Variants in LDLRAD4 observed in about 807,000 individuals in gnomAD.
LDLRAD4 encodes the protein low-density lipoprotein receptor class A domain-containing protein 4.
LDLRAD4 carries 5 observed loss-of-function variants against 17.0 expected under a neutral mutation model. The ratio of observed to expected loss-of-function variants is 0.29; its 90% CI spans 0.15 to 0.62. LDLRAD4 has a LOEUF of 0.62. Ranked by LOEUF, LDLRAD4 falls within the 20% of genes least tolerant of loss-of-function variation. LDLRAD4 has a pLI of 0.84. For synonymous variants in LDLRAD4, 168 were observed against 171.8 expected (o/e 0.98, Z 0.17); for missense variants, 340 against 424.7 (o/e 0.80, Z 1.75).
intron 2 of LDLRAD4, among the ~76,000 whole-genome samples, chr18:13,417,535 C>G (rs2089021451): frequency 6.6e-6 from 1 of 151,880 alleles, no homozygotes; most frequent in Non-Finnish European, 1.5e-5. Context: ...CGGGTTCACG[C>G]CATTCTCCTG....
intron 3 of LDLRAD4, among the ~76,000 whole-genome samples, chr18:13,558,936 G>A (rs2094512877): frequency 2.7e-5 from 4 of 147,486 alleles, no homozygotes; most frequent in Non-Finnish European, 1.5e-5. Context: ...TGTGCACTAG[G>A]GCAATCACAG....
chr18:13,317,834 G>A (rs970859531), intron 1 of LDLRAD4, among the ~76,000 whole-genome samples: 2 of 152,048 alleles, frequency 1.3e-5, no homozygotes, highest in African/African-American at 4.8e-5. Context: ...TTCTATTTTT[G>A]TATTTTCTCC....
intron 4 of LDLRAD4, among the ~76,000 whole-genome samples, chr18:13,633,541 G>T (rs929446695): frequency 2.0e-5 from 3 of 152,254 alleles, no homozygotes; most frequent in African/African-American, 7.2e-5. Flanking sequence ...ATGCTCGTCA[G>T]CACCCAAAGT....
chr18:13,508,037 A>G (rs2093721880), intron 3 of LDLRAD4, among the ~76,000 whole-genome samples: 1 of 149,404 alleles, frequency 6.7e-6, no homozygotes, highest in Non-Finnish European at 1.5e-5. Flanking sequence ...TCCAGTGAAC[A>G]CACAAATGAT....
intron 1 of LDLRAD4, among the ~76,000 whole-genome samples, chr18:13,307,089 TG>T (rs1376094142): frequency 6.6e-6 from 1 of 152,192 alleles, no homozygotes; most frequent in African/African-American, 2.4e-5. Flanking sequence ...GTCTATGAAG[TG>T]GGCACTGAAA....
At position 13,352,674 on chromosome 18, in the gene LDLRAD4, C is replaced by T. The variant is rs566743220; in HGVS notation, c.-382-34667C>T. On this transcript the variant is annotated intron_variant, in intron 1 of 5. Transcript: ENST00000359446. The stretch of plus-strand genomic sequence containing the variant: ...CTATTATTCCTTCAAATAATATCTT[C>T]CTCTTTCTCTCTTCTCCTTCTGGAA... Among the ~76,000 whole-genome samples the T allele has an allele frequency of 7.3e-5, 11 of 151,460 alleles. No individual in the cohort carries two copies. The East Asian group carries it at 1.9e-3, about 27-fold the overall frequency.
intron 3 of LDLRAD4, chr18:13,460,904 G>A (rs562734325): frequency 6.6e-6 from 1 of 152,172 alleles, no homozygotes; most frequent in Non-Finnish European, 1.5e-5. Context: ...AGCCCACTGG[G>A]GTGTAGTAGG....
chr18:13,501,322 G>C (rs1332479309), intron 3 of LDLRAD4: 1 of 152,178 alleles, frequency 6.6e-6, no homozygotes, highest in Non-Finnish European at 1.5e-5. Flanking sequence ...ATATTTACCC[G>C]ATGTGTCCTG....
intron 1 of LDLRAD4, among the ~76,000 whole-genome samples, chr18:13,381,348 G>A (rs564158153): frequency 5.9e-5 from 9 of 152,310 alleles, no homozygotes; most frequent in South Asian, 4.1e-4. Flanking sequence ...GGTTACAGGC[G>A]TGAGGCACCG....
chr18:13,344,228 A>T (rs1440745765), intron 1 of LDLRAD4, among the ~76,000 whole-genome samples: 1 of 152,186 alleles, frequency 6.6e-6, no homozygotes, highest in African/African-American at 2.4e-5. Flanking sequence ...CTAACATTTA[A>T]GTGTTTATTC....
chr18:13,375,607 T>C (rs2084847706), intron 1 of LDLRAD4, among the ~76,000 whole-genome samples: 1 of 152,292 alleles, frequency 6.6e-6, no homozygotes, highest in South Asian at 2.1e-4. Flanking sequence ...GCTGACCTAT[T>C]TAAGTATTTG....
rs147533717 is a variant in LDLRAD4, at chr18:13,227,778, G to A, written c.-467+8790G>A. Among the ~76,000 whole-genome samples, 543 of 152,276 alleles carry A rather than the reference G, an allele frequency of 3.6e-3. 7 individuals are homozygous for A. Among genetic ancestry groups the A allele is most frequent in the African/African-American group, 0.011 (464 of 41,542 alleles). On this transcript the variant is annotated intron_variant, in intron 1 of 5. Coordinates refer to the LDLRAD4 transcript ENST00000399848. ...GCCCTTTATAAAACCATCAGATCTC[G>A]TGAGAACTCACTATCATGAGAACAG...
intron 4 of LDLRAD4, among the ~76,000 whole-genome samples, chr18:13,632,017 C>A (rs540780503): frequency 6.6e-6 from 1 of 152,266 alleles, no homozygotes; most frequent in African/African-American, 2.4e-5. Context: ...TCCCAGAAGG[C>A]AAGGATGGTT....
Position 13,545,329 on chromosome 18 carries a change from C to T in LDLRAD4, c.182-75788C>T, listed in dbSNP as rs948705926. On this transcript the variant is annotated intron_variant, in intron 3 of 5. Coordinates refer to ENST00000359446, the Ensembl canonical transcript of LDLRAD4. ...AACTCTAGGGAAGCAAAGGGGACTC[C>T]TCGGGGACTCTGATCTTTATGTCCA... Among the ~76,000 whole-genome samples, 11 of 152,298 alleles carry T rather than the reference C, an allele frequency of 7.2e-5. No individual in the cohort carries two copies. In the East Asian group the frequency reaches 2.1e-3, roughly 29 times the overall value.
At chr18:13,547,974 C>T (rs1214886807) in intron 3 of LDLRAD4, among the ~76,000 whole-genome samples, 1 of 152,130 alleles carries the variant, frequency 6.6e-6, no homozygotes, top group Non-Finnish European at 1.5e-5. Flanking sequence ...GAACGAGGTA[C>T]CCAGACAACT....
chr18:13,479,492 G>T (rs2093030730), intron 3 of LDLRAD4, among the ~76,000 whole-genome samples: 1 of 152,106 alleles, frequency 6.6e-6, no homozygotes. Flanking sequence ...ATGGTGGTGG[G>T]TGCCTGTAAT....
At chr18:13,309,529 C>G (rs1260439815) in intron 1 of LDLRAD4, among the ~76,000 whole-genome samples, 4 of 152,136 alleles carry the variant, frequency 2.6e-5, no homozygotes, top group Admixed American at 2.6e-4. Flanking sequence ...AGGGGAGCCC[C>G]CCTTCTCCTG....
intron 1 of LDLRAD4, among the ~76,000 whole-genome samples, chr18:13,257,199 T>C (rs994557954): frequency 6.6e-6 from 1 of 152,250 alleles, no homozygotes; most frequent in Non-Finnish European, 1.5e-5. Flanking sequence ...CCATGTGCCG[T>C]GGGTCTGGTT....
chr18:13,415,273 G>A (rs1051578467), intron 2 of LDLRAD4, among the ~76,000 whole-genome samples: 2 of 152,196 alleles, frequency 1.3e-5, no homozygotes, highest in Admixed American at 1.3e-4. Flanking sequence ...CTTATGACCT[G>A]AGAAAGGTCT....
Sources: allele counts gnomAD v4.1 joint callset (sites outside exome capture counted in the v4.1 genomes callset), GRCh38; gene constraint gnomAD v4.1.1; transcripts MANE v1.5; gene names NCBI Gene and HGNC (gene_info 2026-07-23, HGNC 2026-07-21).